The following PFKFB2 variants were observed in gnomAD, a reference collection of about 807,000 sequenced individuals.
The protein encoded by PFKFB2 is 6-phosphofructo-2-kinase/fructose-2,6-bisphosphatase 2.
In PFKFB2, 53 loss-of-function variants were observed where a neutral mutation model predicts 68.0. The observed-to-expected ratio is 0.78, with a 90% CI of 0.63 to 0.98. The LOEUF (loss-of-function observed/expected upper bound fraction) is 0.98. Ranked by LOEUF, PFKFB2 falls within the 50% of genes least tolerant of loss-of-function variation. The pLI, the probability that PFKFB2 is intolerant of heterozygous loss-of-function variation, is 0.00. For missense variants in PFKFB2, 451 were observed against 642.0 expected (o/e 0.70, Z 3.22); for synonymous variants, 222 against 227.6 (o/e 0.98, Z 0.22).
chr1:207,063,019 GA>G lies in PFKFB2; in HGVS notation c.309-121del. On this transcript the variant is annotated intron_variant, in intron 4 of 14. Transcript: ENST00000367080. This position sits in a 1 kb window ranked among gnomAD's most constrained non-coding sequence, Gnocchi z 4.1. ...GAGAAAGTTGAAAGATCTAGTTAGA[GA>G]AAGGTTTTGAACAGTGGGAAACTAA... 1.2e-6 allele frequency: 1 copy of G among 832,504 alleles called. No homozygotes were observed. The allele number at this position is 832,504 out of a possible 1,614,324, so 51.6% of individuals were successfully genotyped here. A position where few individuals can be genotyped will look rare whatever the true frequency, so the allele number is the denominator to read the frequency against.
At chr1:207,079,043 C>T (rs573800026), downstream of PFKFB2, 8 of 1,590,828 alleles carry the variant, frequency 5.0e-6, no homozygotes, top group East Asian at 1.3e-4. Flanking sequence ...CAGGCCTCAC[C>T]TCTCCAAACG....
At chr1:207,054,998 C>T in intron 2 of PFKFB2, 196 bp downstream of exon 2, 1 of 535,016 alleles carries the variant, frequency 1.9e-6, no homozygotes, top group East Asian at 3.2e-5. Context: ...TGGGGCTTGA[C>T]TACTGGTGTA....
intron 10 of PFKFB2, among the ~76,000 whole-genome samples, chr1:207,069,216 C>T (rs1276664121): frequency 2.0e-5 from 3 of 152,176 alleles, no homozygotes; most frequent in Non-Finnish European, 4.4e-5. Flanking sequence ...AGAGAAGTTG[C>T]CTCTTTCCGG....
intron 14 of PFKFB2, 127 bp downstream of exon 14, chr1:207,071,700 T>C (rs11120137): frequency 0.48 from 326,108 of 679,684 alleles, 81,694 homozygotes; most frequent in East Asian, 0.76. Context: ...TACGTCCAAA[T>C]GTAGTTTGCT....
rs1683519456 is a variant in PFKFB2, at chr1:207,073,159, CCTGGGAGAAT to C, written c.*793_*802del. 2 of 985,328 alleles carry C rather than the reference CCTGGGAGAAT, an allele frequency of 2.0e-6. No individual in the cohort carries two copies. The highest frequency in any genetic ancestry group is 2.4e-6 in the Non-Finnish European group (2 of 829,982). The allele number at this position is 985,328 out of a possible 1,614,324, so 61.0% of individuals were successfully genotyped here. A position where few individuals can be genotyped will look rare whatever the true frequency, so the allele number is the denominator to read the frequency against. On this transcript the variant is annotated 3_prime_UTR_variant, in exon 15 of 15. Coordinates refer to ENST00000367080, the MANE Select transcript of PFKFB2 (RefSeq NM_006212.2). Reference sequence around the variant, plus strand: ...AGAAACAGTTCTAAGTCTTCGATGCCCTGGGAGAATCTGGCTCTGAGCATGTGGGAAATGT... The same window carrying C: ...AGAAACAGTTCTAAGTCTTCGATGCCCTGGCTCTGAGCATGTGGGAAATGT...
chr1:207,080,432 A>G (rs911442387), downstream of PFKFB2: 2 of 152,222 alleles, frequency 1.3e-5, no homozygotes, highest in Non-Finnish European at 2.9e-5. Context: ...TTCAGCATCC[A>G]GCAACTAGGA....
At chr1:207,061,779 G>A (rs116219970) in intron 2 of PFKFB2, among the ~76,000 whole-genome samples, 174 bp from the exon 3 acceptor site, 2,154 of 152,246 alleles carry the variant, frequency 0.014, 43 homozygotes, top group African/African-American at 0.05. Context: ...GTATTCGGAA[G>A]GCTGAGGCGG....
upstream of PFKFB2, among the ~76,000 whole-genome samples, chr1:207,049,994 C>T (rs116464956): frequency 6.6e-6 from 1 of 152,178 alleles, no homozygotes; most frequent in Non-Finnish European, 1.5e-5. Flanking sequence ...TAAAAAGATA[C>T]ATTTCAAAAA....
intron 3 of PFKFB2, 146 bp downstream of exon 3, chr1:207,062,224 C>G (rs1039887846): frequency 8.7e-7 from 1 of 1,148,634 alleles, no homozygotes; most frequent in African/African-American, 1.6e-5. Flanking sequence ...GAGTTATTCT[C>G]TATTCCCAGA....
downstream of PFKFB2, among the ~76,000 whole-genome samples, chr1:207,078,562 C>T (rs1683688083): frequency 1.3e-5 from 2 of 152,212 alleles, no homozygotes; most frequent in South Asian, 2.1e-4. Flanking sequence ...AGTAGGGACC[C>T]TCCTCAGAAG....
At chr1:207,039,876 T>G (rs1016606725) in intron 1 of PFKFB2, among the ~76,000 whole-genome samples, 1 of 152,196 alleles carries the variant, frequency 6.6e-6, no homozygotes, top group African/African-American at 2.4e-5. Context: ...GGCCAGCCAC[T>G]TTTCCTCTGG....
chr1:207,069,313 C>A, intron 10 of PFKFB2, 111 bp from the exon 11 acceptor site: 1 of 737,162 alleles, frequency 1.4e-6, no homozygotes, highest in Non-Finnish European at 2.4e-6. Flanking sequence ...CAGCACAGTG[C>A]CTGGCACGTA....
At position 207,072,271 on chromosome 1, in the gene PFKFB2, C is replaced by T. The variant is rs147014775; in HGVS notation, c.1418C>T (p.Ser473Leu). ...AACAGCTTTACGCCTCTGTCCAGTT[C>T]GAATACAATAAGGCGTCCAAGAAAT... ...RRNSFTPLSS[S>L]NTIRRPRNYS... Residue 473 changes from serine to leucine, a missense_variant, in exon 15 of 15, where the codon TCG becomes TTG. Transcript: ENST00000367080. The T allele has an allele frequency of 7.1e-5, 114 of 1,614,172 alleles. 1 individual carries two copies. In the Admixed American group the frequency reaches 1.2e-3, roughly 17 times the overall value.
In PFKFB2 at chr1:207,065,092, G is replaced by A. The variant is rs145865857; in HGVS notation, c.564G>A (p.Glu188=). 3.1e-6 allele frequency: 5 copies of A among 1,614,082 alleles called. No individual in the cohort carries two copies. Among genetic ancestry groups the A allele is most frequent in the Non-Finnish European group, 4.2e-6 (5 of 1,179,970 alleles). Residue 188 remains glutamate (E), a synonymous_variant, in exon 8 of 15, where the codon GAG becomes GAA. Transcript: ENST00000367080. ...AAAGGAACAGAGAGAACGTGATGGA[G>A]GACTTCCTGAAGAGAATTGAATGCT... ...YPERNRENVM[E]DFLKRIECYK...
rs780468419 is a variant in PFKFB2, at chr1:207,062,095, C to G, written c.211+17C>G. The G allele has an allele frequency of 1.4e-5, 22 of 1,613,864 alleles. No individual in the cohort carries two copies. In the East Asian group the frequency reaches 4.2e-4, roughly 31 times the overall value. On this transcript the variant is annotated intron_variant, in intron 3 of 14. Coordinates refer to ENST00000367080, the MANE Select transcript of PFKFB2 (RefSeq NM_006212.2). The stretch of plus-strand genomic sequence containing the variant: ...CCACCAAAGGTAAGTGTGGCTCATT[C>G]CCTAGGAAAGACAATTATTAGTTCC...
At chr1:207,052,741 G>A (rs1343857150), upstream of PFKFB2, 1 of 64,310 alleles carries the variant, frequency 1.6e-5, no homozygotes, top group Non-Finnish European at 3.7e-5. Context: ...TCAACGATGA[G>A]AGTGGTTGAT....
intron 2 of PFKFB2, among the ~76,000 whole-genome samples, chr1:207,060,077 G>A (rs1051589336): frequency 6.6e-5 from 10 of 152,172 alleles, no homozygotes; most frequent in Non-Finnish European, 1.2e-4. Flanking sequence ...TTGGCCCCGG[G>A]ACAGTGGCTG....
chr1:207,080,836 G>A (rs987668369), downstream of PFKFB2: 1 of 151,934 alleles, frequency 6.6e-6, no homozygotes, highest in African/African-American at 2.4e-5. Flanking sequence ...GGAAAATAAC[G>A]ATGTTAAGGG....
At chr1:207,050,940 C>T (rs1426882875), upstream of PFKFB2, 8 of 1,580,798 alleles carry the variant, frequency 5.1e-6, no homozygotes, top group South Asian at 1.1e-5. Flanking sequence ...GCGGGGCCAG[C>T]TTTGGTCCCG....
Sources: gnomAD v4.1 joint callset for allele counts (sites outside exome capture counted in the v4.1 genomes callset) on GRCh38, gnomAD v4.1.1 for gene constraint, Gnocchi (gnomAD v3.1) non-coding constraint, MANE v1.5 for transcripts, NCBI Gene and HGNC (gene_info 2026-07-23, HGNC 2026-07-21) for gene names.